Variants in PER2 observed in about 807,000 individuals in gnomAD.
PER2 encodes the protein period circadian regulator 2, also known as period circadian protein homolog 2.
In PER2, 66 loss-of-function variants were observed where a neutral mutation model predicts 121.0. The observed-to-expected ratio is 0.55, with a 90% CI of 0.45 to 0.67. The LOEUF (loss-of-function observed/expected upper bound fraction) is 0.67, where lower values mean the gene tolerates loss of function less well. Among genes scored for constraint, PER2 ranks in the 30% least tolerant of loss-of-function variants. The probability of loss-of-function intolerance (pLI) is 0.00; values close to 1 mark genes in which losing one functional copy is unlikely to be tolerated. For missense variants in PER2, 1,521 were observed against 1,635.0 expected (o/e 0.93, Z 1.20); for synonymous variants, 684 against 659.9 (o/e 1.04, Z -0.56).
At chr2:238,277,642 C>T in intron 2 of PER2, 65 bp downstream of exon 2, 1 of 1,573,394 alleles carries the variant, frequency 6.4e-7, no homozygotes. Context: ...AATCAAATCA[C>T]AGCAGAAATG....
chr2:238,279,391 CAG>C (rs1174321991), intron 1 of PER2, among the ~76,000 whole-genome samples: 2 of 152,194 alleles, frequency 1.3e-5, no homozygotes, highest in African/African-American at 4.8e-5. Context: ...GAGCAGCCAA[CAG>C]GGGTGGGTAG....
At chr2:238,295,264 T>TCC in the PER2 span, 1 of 148,394 alleles carries the variant, frequency 6.7e-6, no homozygotes, top group Non-Finnish European at 1.5e-5. Flanking sequence ...CTTCTCCTTC[T>TCC]TTCTTCTTCT....
At chr2:238,257,786 C>T (rs1695807600) in intron 16 of PER2, among the ~76,000 whole-genome samples, 1 of 152,210 alleles carries the variant, frequency 6.6e-6, no homozygotes, top group African/African-American at 2.4e-5. Context: ...GGTACCATTT[C>T]TAATCCTGGT....
chr2:238,274,376 G>A (rs1320543875), intron 4 of PER2, among the ~76,000 whole-genome samples: 23 of 152,234 alleles, frequency 1.5e-4, no homozygotes, highest in Admixed American at 1.4e-3. Flanking sequence ...TCTGCCACGC[G>A]TGTGCTTCCT....
At chr2:238,281,022 T>C (rs571510023) in intron 1 of PER2, among the ~76,000 whole-genome samples, 155 of 145,102 alleles carry the variant, frequency 1.1e-3, no homozygotes, top group Admixed American at 3.6e-3. Flanking sequence ...TTTTTTTTTT[T>C]GAGAGGGAGT....
upstream of PER2, among the ~76,000 whole-genome samples, chr2:238,288,938 A>G (rs887642659): frequency 1.3e-5 from 2 of 152,172 alleles, no homozygotes; most frequent in Admixed American, 6.5e-5. Flanking sequence ...TTTTTACATA[A>G]GACGCACATG....
In PER2 at chr2:238,253,638, T is replaced by C. The variant is rs1290008476; in HGVS notation, c.2385A>G (p.Arg795=). 6.2e-7 allele frequency: 1 copy of C among 1,609,418 alleles called. No individual in the cohort carries two copies. Among genetic ancestry groups the C allele is most frequent in the African/African-American group, 1.3e-5 (1 of 74,878 alleles). The change falls in exon 19 of 23, where the codon AGA becomes AGG. Residue 795 remains arginine, a synonymous_variant. Coordinates refer to ENST00000254657, the MANE Select transcript of PER2 (RefSeq NM_022817.3). The surrounding 1 kb of genome is among the most constrained non-coding windows in gnomAD (Gnocchi z 5.6). The part of the protein sequence containing the change: ...DSPWKKTGKN[R]KLKSKRVKPR... Reference sequence around the variant, plus strand: ...GTTTGACCCGCTTGGACTTCAATTTTCTGTTCTTTCCTGTTTTTTTCCAAG... The same window carrying C: ...GTTTGACCCGCTTGGACTTCAATTTCCTGTTCTTTCCTGTTTTTTTCCAAG...
At chr2:238,255,037 C>T (rs1428599404) in intron 18 of PER2, 1 of 157,264 alleles carries the variant, frequency 6.4e-6, no homozygotes, top group Non-Finnish European at 1.4e-5. Flanking sequence ...TGGGAAGGAA[C>T]TGGGGGATCA....
intron 5 of PER2, 89 bp downstream of exon 5, chr2:238,272,981 T>C: frequency 1.6e-6 from 2 of 1,253,772 alleles, no homozygotes; most frequent in Non-Finnish European, 1.2e-6. Context: ...CACTCCTGCC[T>C]TACAGCCACC....
At chr2:238,262,759 A>G (rs568971825) in intron 10 of PER2, among the ~76,000 whole-genome samples, 193 bp downstream of exon 10, 3 of 152,262 alleles carry the variant, frequency 2.0e-5, no homozygotes, top group South Asian at 2.1e-4. Context: ...AGGAACTCAC[A>G]TGAGTTTACC....
upstream of PER2, among the ~76,000 whole-genome samples, chr2:238,293,027 CT>C (rs1189415775): frequency 1.3e-4 from 19 of 143,054 alleles, no homozygotes; most frequent in African/African-American, 4.8e-4. Flanking sequence ...TGAGACACCC[CT>C]CCCAGCCTTG....
Position 238,268,635 on chromosome 2 carries a change from C to T in PER2, c.824+288G>A, listed in dbSNP as rs1052270157. Among the ~76,000 whole-genome samples, 4 of 152,216 alleles carry T rather than the reference C, an allele frequency of 2.6e-5. No homozygotes were observed. The highest frequency in any genetic ancestry group is 1.9e-4 in the East Asian group (1 of 5,198). On this transcript the variant is annotated intron_variant, in intron 7 of 22. Transcript: ENST00000254657. The surrounding 1 kb of genome is among the most constrained non-coding windows in gnomAD (Gnocchi z 4.0). ...GAAAAACGCACAGACAACCAAAAGACGCAGTGCTTTCAGAAACTCTGTCGA... is the reference window on the plus strand; with the variant it reads ...GAAAAACGCACAGACAACCAAAAGATGCAGTGCTTTCAGAAACTCTGTCGA...
chr2:238,297,163 G>A, the PER2 span, among the ~76,000 whole-genome samples: 7 of 152,108 alleles, frequency 4.6e-5, no homozygotes, highest in Admixed American at 6.5e-5. Context: ...CATCCACCCC[G>A]CACATCCACC....
chr2:238,298,617 C>T, the PER2 span: 1 of 152,182 alleles, frequency 6.6e-6, no homozygotes, highest in East Asian at 1.9e-4. Flanking sequence ...TCACACGAGG[C>T]CCACAAAGCC....
At chr2:238,284,476 G>A (rs1010033008) in intron 1 of PER2, among the ~76,000 whole-genome samples, 7 of 150,778 alleles carry the variant, frequency 4.6e-5, no homozygotes, top group African/African-American at 1.7e-4. Flanking sequence ...AAACGAAAAA[G>A]AAAAACAGAT....
At chr2:238,283,033 T>A (rs552674823) in intron 1 of PER2, among the ~76,000 whole-genome samples, 2 of 152,184 alleles carry the variant, frequency 1.3e-5, no homozygotes, top group Non-Finnish European at 2.9e-5. Flanking sequence ...TGGACTCGGA[T>A]GACGTGCCAC....
At position 238,258,549 on chromosome 2, in the gene PER2, T is replaced by C; in HGVS notation, c.1723A>G (p.Asn575Asp). 11 of 1,614,124 alleles carry C rather than the reference T, an allele frequency of 6.8e-6. No homozygotes were observed. The highest frequency in any genetic ancestry group is 8.5e-6 in the Non-Finnish European group (10 of 1,179,986). ...VSFPEELACK[N>D]QPTCSYQQIS... ...TGCTGGTAGGAGCAGGTGGGCTGGTTCTTGCAGGCCAACTCCTCGGGGAAG... is the reference window on the plus strand; with the variant it reads ...TGCTGGTAGGAGCAGGTGGGCTGGTCCTTGCAGGCCAACTCCTCGGGGAAG... Residue 575 changes from asparagine to aspartate, a missense_variant, in exon 15 of 23, where the codon AAC becomes GAC. By Grantham distance (23) the Asn-to-Asp change is conservative (BLOSUM62 1). Coordinates refer to ENST00000254657, the MANE Select transcript of PER2 (RefSeq NM_022817.3).
At chr2:238,263,933 A>AGAAGAGGAAG (rs1031638537) in intron 9 of PER2, among the ~76,000 whole-genome samples, 3 of 151,460 alleles carry the variant, frequency 2.0e-5, no homozygotes, top group Non-Finnish European at 4.4e-5. Flanking sequence ...TGAAGGAGGA[A>AGAAGAGGAAG]GAAGAGGAAG....
Position 238,265,543 on chromosome 2 carries a change from G to C in PER2, c.1015C>G (p.Pro339Ala), listed in dbSNP as rs753082788. The C allele has an allele frequency of 1.9e-6, 3 of 1,611,498 alleles. No homozygotes were observed. The East Asian group carries it at 6.7e-5, about 36-fold the overall frequency. ...TCCACATCCTGGAACAAACAATTTG[G>C]TGTATGGGTGGTTGTAAAAATTCTC... ...EKRIFTTTHT[P>A]NCLFQDVDER... The change falls in exon 9 of 23, where the codon CCA (proline) becomes GCA (alanine). Residue 339 changes from proline (P) to alanine (A), a missense_variant. By Grantham distance (27) the Pro-to-Ala change is conservative. Transcript: ENST00000254657.
Sources: gnomAD v4.1 joint callset for allele counts (sites outside exome capture counted in the v4.1 genomes callset) on GRCh38, gnomAD v4.1.1 for gene constraint, Gnocchi (gnomAD v3.1) non-coding constraint, MANE v1.5 for transcripts, NCBI Gene and HGNC (gene_info 2026-07-23, HGNC 2026-07-21) for gene names.